The following CDK19 variants were observed in gnomAD, a reference collection of about 807,000 sequenced individuals.
CDK19 encodes cyclin-dependent kinase 19.
In CDK19, 20 loss-of-function variants were observed where a neutral mutation model predicts 68.3. The ratio of observed to expected loss-of-function variants is 0.29; its 90% CI spans 0.21 to 0.43. The LOEUF is 0.43. CDK19 is among the 20% of genes least tolerant of loss of function. The pLI is 1.00. For missense variants in CDK19, 339 were observed against 623.5 expected (o/e 0.54, Z 4.86); for synonymous variants, 221 against 222.8 (o/e 0.99, Z 0.07).
intron 2 of CDK19, among the ~76,000 whole-genome samples, chr6:110,681,015 A>G (rs1401666577): frequency 6.8e-6 from 1 of 146,450 alleles, no homozygotes; most frequent in Non-Finnish European, 1.5e-5. Flanking sequence ...TAAATAAATA[A>G]AATAAAATAA....
At chr6:110,783,499 G>A (rs1037539872) in intron 1 of CDK19, among the ~76,000 whole-genome samples, 5 of 151,394 alleles carry the variant, frequency 3.3e-5, no homozygotes, top group African/African-American at 9.7e-5. Flanking sequence ...TTAGCTGAGC[G>A]TGGTGGCACA....
chr6:110,750,881 G>A (rs2114903199), intron 1 of CDK19, among the ~76,000 whole-genome samples: 1 of 152,278 alleles, frequency 6.6e-6, no homozygotes, highest in South Asian at 2.1e-4. Flanking sequence ...TGTCACCCAG[G>A]CTGGAGTGCA....
rs539732147 is a variant in CDK19 at position 110,787,555 on chromosome 6, T to TC, written c.128+27453dup. Among the ~76,000 whole-genome samples the TC allele has an allele frequency of 4.6e-5, 7 of 152,050 alleles. No homozygotes were observed. In the South Asian group the frequency reaches 1.5e-3, roughly 32 times the overall value. On this transcript the variant is annotated intron_variant, in intron 1 of 12. Coordinates refer to ENST00000368911, the MANE Select transcript of CDK19 (RefSeq NM_015076.5). ...TCTACCTCCTGGGCTTAAGGGATTCTCCAACGTCAGCCTCACAAGTAGCTG... is the reference window on the plus strand; with the variant it reads ...TCTACCTCCTGGGCTTAAGGGATTCTCCCAACGTCAGCCTCACAAGTAGCTG...
In CDK19 at chr6:110,621,414, C is replaced by T; in HGVS notation, c.1111-44G>A. On this transcript the variant is annotated intron_variant, in intron 11 of 12. Transcript: ENST00000368911. This position sits in a 1 kb window ranked among gnomAD's most constrained non-coding sequence, Gnocchi z 5.4. The stretch of plus-strand genomic sequence containing the variant: ...CAAGCTTGGTATGAAACCAAATTAA[C>T]AGGAGCTTTCTTTAATTATTTGATA... 2 of 1,513,400 alleles carry T rather than the reference C, an allele frequency of 1.3e-6. No homozygotes were observed. Among genetic ancestry groups the T allele is most frequent in the Non-Finnish European group, 1.8e-6 (2 of 1,132,120 alleles). The allele number at this position is 1,513,400 out of a possible 1,614,324, so 93.7% of individuals were successfully genotyped here.
intron 2 of CDK19, 67 bp from the exon 3 acceptor site, chr6:110,670,608 A>AT: frequency 1.1e-6 from 1 of 936,914 alleles, no homozygotes; most frequent in Non-Finnish European, 1.7e-6. Context: ...TGAATGTCTT[A>AT]TAACTTCAAA....
intron 2 of CDK19, among the ~76,000 whole-genome samples, chr6:110,725,796 A>G (rs1389769930): frequency 1.3e-5 from 2 of 152,228 alleles, no homozygotes; most frequent in African/African-American, 2.4e-5. Flanking sequence ...GAGAGGGGAA[A>G]TGTTGACTTA....
intron 1 of CDK19, among the ~76,000 whole-genome samples, chr6:110,792,277 A>T (rs1781651065): frequency 6.6e-6 from 1 of 151,662 alleles, no homozygotes; most frequent in African/African-American, 2.4e-5. Context: ...CCCTTTATTT[A>T]TTTTTTTAAT....
At chr6:110,814,832 C>A (rs941073681) in intron 1 of CDK19, 177 bp downstream of exon 1, 8 of 826,016 alleles carry the variant, frequency 9.7e-6, no homozygotes, top group Non-Finnish European at 1.4e-5. Context: ...GACGGGGCCG[C>A]GCGGGGGAGG....
intron 1 of CDK19, among the ~76,000 whole-genome samples, chr6:110,769,439 C>T (rs1221320751): frequency 1.3e-5 from 2 of 151,594 alleles, no homozygotes; most frequent in African/African-American, 2.4e-5. Context: ...GTGGTACATG[C>T]CTGTAATCCC....
intron 2 of CDK19, among the ~76,000 whole-genome samples, chr6:110,741,514 T>G (rs1777667229): frequency 6.7e-6 from 1 of 149,562 alleles, no homozygotes; most frequent in South Asian, 2.2e-4. Context: ...GGCTGAAAAC[T>G]TTTCAAATTT....
intron 2 of CDK19, among the ~76,000 whole-genome samples, chr6:110,705,332 G>T (rs550673932): frequency 1.3e-3 from 196 of 152,244 alleles, no homozygotes; most frequent in African/African-American, 4.5e-3. Flanking sequence ...GAGCCACTGC[G>T]CCTGGCCAGA....
At chr6:110,648,596 A>G (rs1780768122) in intron 4 of CDK19, among the ~76,000 whole-genome samples, 1 of 140,670 alleles carries the variant, frequency 7.1e-6, no homozygotes, top group Admixed American at 7.5e-5. Flanking sequence ...GCTGGAGTGC[A>G]GTGGCACGAT....
At chr6:110,639,817 C>T (rs1450722988) in intron 4 of CDK19, among the ~76,000 whole-genome samples, 1 of 152,004 alleles carries the variant, frequency 6.6e-6, no homozygotes, top group Non-Finnish European at 1.5e-5. Context: ...GTCCATTAGA[C>T]GGATATGAAA....
intron 2 of CDK19, among the ~76,000 whole-genome samples, chr6:110,726,255 T>G (rs577156933): frequency 2.6e-5 from 4 of 152,262 alleles, no homozygotes; most frequent in Middle Eastern, 3.4e-3. Context: ...AGGGAATACT[T>G]TAGGAGATAA....
chr6:110,675,464 C>T (rs1051566918), intron 2 of CDK19, among the ~76,000 whole-genome samples: 1 of 151,646 alleles, frequency 6.6e-6, no homozygotes. Context: ...CCTGCCTCTA[C>T]GAAAAATACA....
At chr6:110,756,643 G>A (rs1331755075) in intron 1 of CDK19, among the ~76,000 whole-genome samples, 1 of 151,646 alleles carries the variant, frequency 6.6e-6, no homozygotes, top group African/African-American at 2.4e-5. Flanking sequence ...GTATGCATAT[G>A]TGTGCACATG....
chr6:110,805,572 C>A (rs993105740), intron 1 of CDK19, among the ~76,000 whole-genome samples: 1 of 152,070 alleles, frequency 6.6e-6, no homozygotes, highest in Non-Finnish European at 1.5e-5. Context: ...CTGCAGTTGG[C>A]CCTGGAGAAC....
Position 110,626,858 on chromosome 6 carries a change from T to A in CDK19, c.791-13A>T. ...TCCCAGTCTTTATCTTACAAAAAAA[T>A]TAAATATTGTTATAGAAAATAATGT... On this transcript the variant is annotated splice_polypyrimidine_tract_variant and intron_variant, in intron 7 of 12. Coordinates refer to ENST00000368911, the MANE Select transcript of CDK19 (RefSeq NM_015076.5). 1 of 1,472,160 alleles carries A rather than the reference T, an allele frequency of 6.8e-7. No homozygotes were observed. Among genetic ancestry groups the A allele is most frequent in the South Asian group, 1.3e-5 (1 of 79,584 alleles). The allele number at this position is 1,472,160 out of a possible 1,614,324, so 91.2% of individuals were successfully genotyped here.
chr6:110,667,904 A>G (rs976689048), intron 3 of CDK19, among the ~76,000 whole-genome samples: 1 of 152,196 alleles, frequency 6.6e-6, no homozygotes, highest in African/African-American at 2.4e-5. Context: ...GAAAGATTTA[A>G]AAAAGAAAGA....
Sources: gnomAD v4.1 joint callset for allele counts (sites outside exome capture counted in the v4.1 genomes callset) on GRCh38, gnomAD v4.1.1 for gene constraint, Gnocchi (gnomAD v3.1) non-coding constraint, MANE v1.5 for transcripts, NCBI Gene and HGNC (gene_info 2026-07-23, HGNC 2026-07-21) for gene names.